The following ADGRB3 variants were observed in gnomAD, a reference collection of about 807,000 sequenced individuals.
ADGRB3 encodes the protein adhesion G protein-coupled receptor B3, also known as brain-specific angiogenesis inhibitor 3.
ADGRB3 carries 37 observed loss-of-function variants against 193.4 expected under a neutral mutation model. The observed-to-expected ratio is 0.19, with a 90% CI of 0.15 to 0.25. The LOEUF (loss-of-function observed/expected upper bound fraction) is 0.25. Ranked by LOEUF, ADGRB3 falls within the 10% of genes least tolerant of loss-of-function variation. The pLI is 1.00. For synonymous variants in ADGRB3, 690 were observed against 644.2 expected (o/e 1.07, Z -1.08); for missense variants, 1,637 against 1,852.9 (o/e 0.88, Z 2.14).
chr6:68,736,637 A>T (rs1765879001), intron 3 of ADGRB3, among the ~76,000 whole-genome samples: 1 of 152,176 alleles, frequency 6.6e-6, no homozygotes, highest in African/African-American at 2.4e-5. Context: ...GGACTTGTGC[A>T]CTTAGAGATG....
At chr6:68,891,021 G>T (rs1197924109) in intron 3 of ADGRB3, among the ~76,000 whole-genome samples, 4 of 152,292 alleles carry the variant, frequency 2.6e-5, no homozygotes, top group African/African-American at 7.2e-5. Flanking sequence ...GGAAGAAAAA[G>T]AAGTTTAGTG....
intron 3 of ADGRB3, among the ~76,000 whole-genome samples, chr6:68,731,169 A>C (rs1396882223): frequency 1.3e-5 from 2 of 150,052 alleles, no homozygotes; most frequent in African/African-American, 5.0e-5. Flanking sequence ...TGATAATAGG[A>C]CATATATAAC....
At chr6:68,845,480 C>T (rs1390380882) in intron 3 of ADGRB3, among the ~76,000 whole-genome samples, 2 of 152,144 alleles carry the variant, frequency 1.3e-5, no homozygotes, top group Non-Finnish European at 2.9e-5. Context: ...TATGGTTTGG[C>T]TGTGTCCCCA....
chr6:68,823,675 A>T (rs567102545), intron 3 of ADGRB3, among the ~76,000 whole-genome samples: 114 of 152,192 alleles, frequency 7.5e-4, no homozygotes, highest in Middle Eastern at 3.4e-3. Context: ...CTCATGCATG[A>T]TATACTCTGT....
intron 3 of ADGRB3, among the ~76,000 whole-genome samples, chr6:68,735,386 G>A (rs1765851922): frequency 1.3e-5 from 2 of 151,804 alleles, no homozygotes; most frequent in South Asian, 2.1e-4. Flanking sequence ...CAATTGAGAG[G>A]AATTAAATTG....
In ADGRB3 at chr6:69,239,219, A is replaced by G; in HGVS notation, c.2807A>G (p.His936Arg). 2 of 1,547,376 alleles carry G rather than the reference A, an allele frequency of 1.3e-6. No individual in the cohort carries two copies. Among genetic ancestry groups the G allele is most frequent in the Non-Finnish European group, 1.8e-6 (2 of 1,123,478 alleles). ...ILILVGQTQTHNKSICTTTTA... is the reference protein window; with the variant it reads ...ILILVGQTQTRNKSICTTTTA... ...ATACTGGTTGGACAGACTCAGACAC[A>G]TAATAAGGTATGACTGGTAATTATT... is the stretch of plus-strand genomic sequence containing the variant. Residue 936 changes from histidine (H) to arginine (R), a missense_variant, in exon 20 of 32, where the codon CAT (histidine) becomes CGT (arginine). Around this residue, in one of 7 missense-constraint regions of ADGRB3, gnomAD observed 87 missense variants for 161.0 expected, o/e 0.54. Coordinates refer to ENST00000370598, the MANE Select transcript of ADGRB3 (RefSeq NM_001704.3).
At chr6:69,313,268 C>A (rs1380082430) in intron 20 of ADGRB3, among the ~76,000 whole-genome samples, 1 of 151,808 alleles carries the variant, frequency 6.6e-6, no homozygotes, top group Non-Finnish European at 1.5e-5. Flanking sequence ...CCAGGTGATA[C>A]CAATGTGCAG....
intron 28 of ADGRB3, among the ~76,000 whole-genome samples, chr6:69,358,858 C>A (rs1206998591): frequency 1.3e-5 from 2 of 151,662 alleles, no homozygotes; most frequent in African/African-American, 2.4e-5. Context: ...AAGAGGCAGG[C>A]ATTTCTCTCG....
At chr6:68,810,264 A>C (rs1767484630) in intron 3 of ADGRB3, among the ~76,000 whole-genome samples, 1 of 152,192 alleles carries the variant, frequency 6.6e-6, no homozygotes, top group African/African-American at 2.4e-5. Context: ...AATCCTTAAA[A>C]ATGGAATAAA....
chr6:68,834,388 C>G (rs1768009198), intron 3 of ADGRB3, among the ~76,000 whole-genome samples: 1 of 151,866 alleles, frequency 6.6e-6, no homozygotes, highest in African/African-American at 2.4e-5. Flanking sequence ...ATGCTGTAAT[C>G]CAGAAAAAAT....
intron 8 of ADGRB3, among the ~76,000 whole-genome samples, chr6:68,969,701 TAAA>T (rs1768502653): frequency 6.6e-6 from 1 of 152,180 alleles, no homozygotes. Flanking sequence ...TTTGTCTTCC[TAAA>T]TTCTCACATA....
chr6:69,186,178 CAAAAA>C (rs70987457), intron 17 of ADGRB3, among the ~76,000 whole-genome samples: 9 of 107,424 alleles, frequency 8.4e-5, no homozygotes, highest in South Asian at 3.5e-4. Context: ...AATGAAATAG[CAAAAA>C]AAAAAAAAAA....
intron 15 of ADGRB3, among the ~76,000 whole-genome samples, chr6:69,062,590 G>A (rs1454155493): frequency 6.6e-6 from 1 of 151,696 alleles, no homozygotes; most frequent in Admixed American, 6.6e-5. Context: ...GGTCCTCCTT[G>A]ATATAAATGA....
intron 3 of ADGRB3, among the ~76,000 whole-genome samples, chr6:68,912,877 T>A (rs1189057731): frequency 6.6e-6 from 1 of 152,054 alleles, no homozygotes; most frequent in Non-Finnish European, 1.5e-5. Flanking sequence ...GCTTTTCCGA[T>A]GGGCTTAAAA....
At chr6:68,870,787 G>T (rs1474765924) in intron 3 of ADGRB3, among the ~76,000 whole-genome samples, 4 of 152,096 alleles carry the variant, frequency 2.6e-5, no homozygotes, top group Non-Finnish European at 5.9e-5. Flanking sequence ...TGCCTCGTTG[G>T]GTTTCATGAG....
chr6:68,905,290 T>G (rs1766511160), intron 3 of ADGRB3, among the ~76,000 whole-genome samples: 1 of 152,150 alleles, frequency 6.6e-6, no homozygotes, highest in Non-Finnish European at 1.5e-5. Flanking sequence ...TGAAGTTTGC[T>G]TCGTTCGTGA....
intron 5 of ADGRB3, among the ~76,000 whole-genome samples, chr6:68,940,875 G>A (rs1767624426): frequency 6.6e-6 from 1 of 152,120 alleles, no homozygotes; most frequent in South Asian, 2.1e-4. Context: ...CTGGGCGAGA[G>A]TGAGACTCCG....
chr6:69,139,248 A>T (rs1286355865), intron 17 of ADGRB3, among the ~76,000 whole-genome samples: 1 of 152,170 alleles, frequency 6.6e-6, no homozygotes, highest in East Asian at 1.9e-4. Context: ...TTCAATGTTC[A>T]TCTAGCCTGG....
intron 3 of ADGRB3, among the ~76,000 whole-genome samples, chr6:68,711,763 C>G (rs746981067): frequency 2.0e-5 from 3 of 152,048 alleles, no homozygotes; most frequent in Non-Finnish European, 4.4e-5. Context: ...TTCATTCATA[C>G]TCATGGCTTC....
Sources: gnomAD v4.1 joint callset for allele counts (sites outside exome capture counted in the v4.1 genomes callset) on GRCh38, gnomAD v4.1.1 for gene constraint, gnomAD v4.1.1 regional missense constraint, MANE v1.5 for transcripts, NCBI Gene and HGNC (gene_info 2026-07-23, HGNC 2026-07-21) for gene names.